PTPRZ1: variants seen among roughly 807,000 people sequenced by gnomAD.
PTPRZ1 encodes the protein receptor-type tyrosine-protein phosphatase zeta.
PTPRZ1 carries 82 observed loss-of-function variants against 214.1 expected under a neutral mutation model. The ratio of observed to expected loss-of-function variants is 0.38; its 90% CI spans 0.32 to 0.46. PTPRZ1 has a LOEUF of 0.46. Among genes scored for constraint, PTPRZ1 ranks in the 20% least tolerant of loss-of-function variants. PTPRZ1 has a pLI of 1.00. For missense variants in PTPRZ1, 2,603 were observed against 2,748.7 expected (o/e 0.95, Z 1.19); for synonymous variants, 945 against 987.9 (o/e 0.96, Z 0.81).
At position 122,014,470 on chromosome 7, in the gene PTPRZ1, G is replaced by A. The variant is rs544781323; in HGVS notation, c.4843+581G>A. Reference sequence around the variant, plus strand: ...TTAATTAATTTTGAGACGGAGTCTCGCTCTGTCGCCCAGGCTGGAGTGCAG... The same window carrying A: ...TTAATTAATTTTGAGACGGAGTCTCACTCTGTCGCCCAGGCTGGAGTGCAG... On this transcript the variant is annotated intron_variant, in intron 12 of 29. Coordinates refer to ENST00000393386, the MANE Select transcript of PTPRZ1 (RefSeq NM_002851.3). Among the ~76,000 whole-genome samples, 12 of 151,934 alleles carry A rather than the reference G, an allele frequency of 7.9e-5. No individual in the cohort carries two copies. The South Asian group carries it at 1.0e-3, about 13-fold the overall frequency.
chr7:121,978,555 A>G (rs573384798), intron 6 of PTPRZ1, among the ~76,000 whole-genome samples: 5 of 152,248 alleles, frequency 3.3e-5, no homozygotes, highest in African/African-American at 1.2e-4. Context: ...TCTCGTGAGA[A>G]CTCACTCACT....
chr7:121,965,637 A>G (rs1797026960), intron 2 of PTPRZ1, among the ~76,000 whole-genome samples: 1 of 152,134 alleles, frequency 6.6e-6, no homozygotes, highest in Non-Finnish European at 1.5e-5. Context: ...AACCTAATCA[A>G]GGAAGCGACT....
Position 122,012,370 on chromosome 7 carries a change from T to C in PTPRZ1, c.3324T>C (p.Thr1108=). ...CAGGGTCCCTTGCTCATACCACCAC[T>C]AAGGTTTTTGATCATGAGATTAGTC... The part of the protein sequence containing the change: ...MFPGSLAHTT[T]KVFDHEISQV... The change falls in exon 12 of 30, where the codon ACT becomes ACC. Residue 1108 remains threonine, a synonymous_variant. Transcript: ENST00000393386. 1 of 1,613,848 alleles carries C rather than the reference T, an allele frequency of 6.2e-7. No homozygotes were observed. Among genetic ancestry groups the C allele is most frequent in the South Asian group, 1.1e-5 (1 of 91,076 alleles).
intron 8 of PTPRZ1, among the ~76,000 whole-genome samples, chr7:121,985,511 T>C (rs558005275): frequency 6.6e-6 from 1 of 152,328 alleles, no homozygotes; most frequent in African/African-American, 2.4e-5. Flanking sequence ...ATCCTTCCCT[T>C]ACATTGAACT....
intron 17 of PTPRZ1, among the ~76,000 whole-genome samples, chr7:122,035,062 C>G (rs1460505728): frequency 6.6e-6 from 1 of 152,084 alleles, no homozygotes; most frequent in African/African-American, 2.4e-5. Flanking sequence ...CATCTTCGTG[C>G]TCCCTCCCCA....
chr7:121,936,277 G>A (rs1796083747), intron 2 of PTPRZ1, among the ~76,000 whole-genome samples: 1 of 152,144 alleles, frequency 6.6e-6, no homozygotes, highest in Non-Finnish European at 1.5e-5. Context: ...ATATTTTAAT[G>A]ACTGAGGCAC....
chr7:122,023,935 C>T (rs1345124624), intron 13 of PTPRZ1, among the ~76,000 whole-genome samples: 3 of 149,578 alleles, frequency 2.0e-5, no homozygotes, highest in South Asian at 4.2e-4. Flanking sequence ...GATGAAAAGG[C>T]GTAAACCAAA....
rs1218716233 is a variant in PTPRZ1, at chr7:121,970,099, G to C, written c.304+1969G>C. On this transcript the variant is annotated intron_variant, in intron 3 of 29. Coordinates refer to ENST00000393386, the MANE Select transcript of PTPRZ1 (RefSeq NM_002851.3). Reference sequence around the variant, plus strand: ...AGTTTGCTGAGAATGATGGTTTCCAGCTTCATCCATGTCCCTACAAAGGAC... The same window carrying C: ...AGTTTGCTGAGAATGATGGTTTCCACCTTCATCCATGTCCCTACAAAGGAC... Among the ~76,000 whole-genome samples, 3 of 151,832 alleles carry C rather than the reference G, an allele frequency of 2.0e-5. No individual in the cohort carries two copies. In the East Asian group the frequency reaches 5.8e-4, roughly 29 times the overall value.
intron 8 of PTPRZ1, among the ~76,000 whole-genome samples, chr7:121,994,340 G>A (rs1798069369): frequency 1.8e-5 from 2 of 109,876 alleles, no homozygotes; most frequent in African/African-American, 7.0e-5. Context: ...TGTTGCCCCG[G>A]CTGGAGTGCA....
At chr7:121,888,185 C>T (rs1794458800) in intron 1 of PTPRZ1, among the ~76,000 whole-genome samples, 1 of 151,640 alleles carries the variant, frequency 6.6e-6, no homozygotes, top group Non-Finnish European at 1.5e-5. Flanking sequence ...AGAGTTATGC[C>T]TTGCCCTGCT....
In PTPRZ1 at chr7:122,010,451, C is replaced by T. The variant is rs199960866; in HGVS notation, c.1405C>T (p.Arg469Cys). 401 of 1,613,880 alleles carry T rather than the reference C, an allele frequency of 2.5e-4. 1 individual carries two copies. Among genetic ancestry groups the T allele is most frequent in the Middle Eastern group, 2.1e-3 (13 of 6,084 alleles). Residue 469 changes from arginine (R) to cysteine (C), a missense_variant, in exon 12 of 30, where the codon CGC becomes TGC. Transcript: ENST00000393386. ...GATTTCTACCACAACACACTACAATCGCATAGGGACGAAATACAATGAAGC... is the reference window on the plus strand; with the variant it reads ...GATTTCTACCACAACACACTACAATTGCATAGGGACGAAATACAATGAAGC... ...PQISTTTHYN[R>C]IGTKYNEAKT...
chr7:121,948,889 T>C (rs1796467270), intron 2 of PTPRZ1, among the ~76,000 whole-genome samples: 1 of 152,168 alleles, frequency 6.6e-6, no homozygotes, highest in African/African-American at 2.4e-5. Flanking sequence ...CCATGCATTC[T>C]GAACATTATA....
Position 122,051,908 on chromosome 7 carries a change from G to A in PTPRZ1, c.6221G>A (p.Gly2074Asp). ...GGCATTTCATCCCTGAGTGGAGAAGGCACAGACTACATCAATGCCTCCTAT... is the reference window on the plus strand; with the variant it reads ...GGCATTTCATCCCTGAGTGGAGAAGACACAGACTACATCAATGCCTCCTAT... ...RVGISSLSGE[G>D]TDYINASYIM... Residue 2074 changes from glycine to aspartate, a missense_variant, in exon 25 of 30, where the codon GGC (glycine) becomes GAC (aspartate). By Grantham distance (94) the Gly-to-Asp change is moderately conservative. Around this residue, in one of 6 missense-constraint regions of PTPRZ1, gnomAD observed 134 missense variants for 183.3 expected, o/e 0.73. Coordinates refer to ENST00000393386, the MANE Select transcript of PTPRZ1 (RefSeq NM_002851.3). 1.2e-6 allele frequency: 2 copies of A among 1,611,360 alleles called. No individual in the cohort carries two copies. The highest frequency in any genetic ancestry group is 2.2e-5 in the East Asian group (1 of 44,806).
At chr7:122,000,274 G>C (rs538001942) in intron 10 of PTPRZ1, among the ~76,000 whole-genome samples, 1 of 151,984 alleles carries the variant, frequency 6.6e-6, no homozygotes, top group Non-Finnish European at 1.5e-5. Context: ...TTACAATTTA[G>C]TATTGAAATT....
intron 2 of PTPRZ1, among the ~76,000 whole-genome samples, chr7:121,967,653 T>C (rs928939668): frequency 3.3e-5 from 5 of 152,216 alleles, no homozygotes; most frequent in South Asian, 2.1e-4. Flanking sequence ...TTAGTTCTCA[T>C]TGACTCCCTG....
chr7:122,019,972 A>G (rs1240814318), intron 13 of PTPRZ1, among the ~76,000 whole-genome samples: 1 of 152,184 alleles, frequency 6.6e-6, no homozygotes, highest in Non-Finnish European at 1.5e-5. Flanking sequence ...GTTAGAAAAC[A>G]AAGGCTTTAT....
chr7:122,042,160 T>C (rs1174864118), intron 21 of PTPRZ1, among the ~76,000 whole-genome samples: 4 of 152,192 alleles, frequency 2.6e-5, no homozygotes, highest in Non-Finnish European at 5.9e-5. Context: ...TTTTTCCCAT[T>C]AACGCAGAAA....
At chr7:121,896,236 A>G (rs75115516) in intron 1 of PTPRZ1, among the ~76,000 whole-genome samples, 3,707 of 152,312 alleles carry the variant, frequency 0.024, 148 homozygotes, top group African/African-American at 0.084. Flanking sequence ...AGTGTACAGT[A>G]TAGAATTGTT....
intron 17 of PTPRZ1, among the ~76,000 whole-genome samples, chr7:122,035,128 T>C (rs1362957625): frequency 6.6e-6 from 1 of 152,134 alleles, no homozygotes; most frequent in Non-Finnish European, 1.5e-5. Flanking sequence ...TTTCTATATA[T>C]TCAGTGGTGT....
Sources: gnomAD v4.1 joint callset for allele counts (sites outside exome capture counted in the v4.1 genomes callset) on GRCh38, gnomAD v4.1.1 for gene constraint, gnomAD v4.1.1 regional missense constraint, MANE v1.5 for transcripts, NCBI Gene and HGNC (gene_info 2026-07-23, HGNC 2026-07-21) for gene names.